Variants in UGT1A9 observed in about 807,000 individuals in gnomAD.
UGT1A9 encodes UDP-glucuronosyltransferase 1A9.
UGT1A9 carries 35 observed loss-of-function variants against 45.0 expected under a neutral mutation model. The ratio of observed to expected loss-of-function variants is 0.78; its 90% CI spans 0.59 to 1.03. The LOEUF is 1.03. Among genes scored for constraint, UGT1A9 ranks in the 50% least tolerant of loss-of-function variants. The pLI is 0.00. For synonymous variants in UGT1A9, 278 were observed against 250.6 expected, an observed-to-expected ratio of 1.11 and a Z score of -1.03; for missense variants, 687 against 666.6, an observed-to-expected ratio of 1.03 and a Z score of -0.34.
At chr2:233,713,248 A>G (rs1380028747) in intron 1 of UGT1A9, 1 of 1,614,142 alleles carries the variant, frequency 6.2e-7, no homozygotes, top group Non-Finnish European at 8.5e-7. Context: ...TCATGGACCC[A>G]GGACGAATTT....
In UGT1A9 at chr2:233,755,690, C is replaced by T. The variant is rs58069490; in HGVS notation, c.856-11344C>T. 7.1e-3 allele frequency: 1,102 copies of T among 155,734 alleles called. 14 individuals carry two copies. Among genetic ancestry groups the T allele is most frequent in the African/African-American group, 0.021 (857 of 41,546 alleles). The allele number at this position is 155,734 out of a possible 1,614,324, so 9.6% of individuals were successfully genotyped here. The stretch of plus-strand genomic sequence containing the variant: ...GTGGTGGGAGTGAGTTTAGTCTGAC[C>T]GGGGCTGAAGACATCCTGTTGTTTA... On this transcript the variant is annotated intron_variant, in intron 1 of 4. Transcript: ENST00000354728.
chr2:233,755,078 GA>G (rs1559400130), intron 1 of UGT1A9: 1 of 1,336,544 alleles, frequency 7.5e-7, no homozygotes, highest in South Asian at 1.1e-5. Flanking sequence ...AGCGGTCATA[GA>G]TATCGCGTTT....
intron 1 of UGT1A9, among the ~76,000 whole-genome samples, chr2:233,715,582 G>A (rs2076459243): frequency 6.6e-6 from 1 of 151,896 alleles, no homozygotes; most frequent in South Asian, 2.1e-4. Context: ...GAGCAGCCTG[G>A]GCAACATGCT....
chr2:233,752,549 C>G (rs1323378417), intron 1 of UGT1A9: 4 of 152,146 alleles, frequency 2.6e-5, no homozygotes, highest in Admixed American at 2.0e-4. Context: ...AATGCTCTTG[C>G]TGGGACAACA....
At chr2:233,691,132 T>A in intron 1 of UGT1A9, 1 of 985,806 alleles carries the variant, frequency 1.0e-6, no homozygotes, top group Non-Finnish European at 1.2e-6. Context: ...CCATTCTTCC[T>A]CTAGATGAAC....
intron 1 of UGT1A9, among the ~76,000 whole-genome samples, chr2:233,675,695 A>C (rs2074331379): frequency 6.6e-6 from 1 of 152,178 alleles, no homozygotes; most frequent in South Asian, 2.1e-4. Flanking sequence ...CCACTTATCC[A>C]TTCTTAGGTT....
intron 1 of UGT1A9, among the ~76,000 whole-genome samples, chr2:233,682,969 C>G (rs943509920): frequency 1.8e-4 from 27 of 152,054 alleles, no homozygotes; most frequent in Admixed American, 1.2e-3. Flanking sequence ...TAAAGCAGCT[C>G]TTGTTGATAT....
chr2:233,740,944 C>A (rs1030329888), intron 1 of UGT1A9: 6 of 151,278 alleles, frequency 4.0e-5, no homozygotes, highest in African/African-American at 1.5e-4. Flanking sequence ...TTTTAATTAG[C>A]TAGGTGTGGT....
Position 233,694,015 on chromosome 2 carries a change from CAT to C in UGT1A9, c.855+21228_855+21229del, listed in dbSNP as rs2075195647. 2.9e-6 allele frequency: 4 copies of C among 1,382,808 alleles called. No homozygotes were observed. The East Asian group carries it at 9.1e-5, about 32-fold the overall frequency. The allele number at this position is 1,382,808 out of a possible 1,614,324, so 85.7% of individuals were successfully genotyped here. ...TACCCGGCTCGGAGCAGCGGGAACA[CAT>C]AGGAGACCTGAGGCTGAAGTGATAC... is the stretch of plus-strand genomic sequence containing the variant. On this transcript the variant is annotated intron_variant, in intron 1 of 4. Coordinates refer to ENST00000354728, the MANE Select transcript of UGT1A9 (RefSeq NM_021027.3).
At chr2:233,741,345 A>C (rs1260340579) in intron 1 of UGT1A9, among the ~76,000 whole-genome samples, 2 of 151,734 alleles carry the variant, frequency 1.3e-5, no homozygotes, top group African/African-American at 2.4e-5. Flanking sequence ...AGTGATTTCC[A>C]ACACACAAAA....
chr2:233,755,210 C>A, intron 1 of UGT1A9: 1 of 1,056,306 alleles, frequency 9.5e-7, no homozygotes, highest in Non-Finnish European at 1.4e-6. Flanking sequence ...GGTACGCCTT[C>A]TTGATACCCT....
intron 1 of UGT1A9, among the ~76,000 whole-genome samples, chr2:233,716,620 A>T (rs1358679333): frequency 6.6e-6 from 1 of 152,166 alleles, no homozygotes; most frequent in East Asian, 1.9e-4. Flanking sequence ...GGTTTATTCT[A>T]GTGAAGTTTT....
intron 1 of UGT1A9, among the ~76,000 whole-genome samples, chr2:233,679,990 CTT>C (rs1164578554): frequency 1.3e-5 from 2 of 152,116 alleles, no homozygotes; most frequent in Non-Finnish European, 2.9e-5. Flanking sequence ...CTTCATGAAT[CTT>C]TTCTTCTCTT....
At chr2:233,754,910 C>T (rs1695636907) in intron 1 of UGT1A9, 2 of 1,353,942 alleles carry the variant, frequency 1.5e-6, no homozygotes, top group African/African-American at 3.0e-5. Flanking sequence ...CCAAAATATT[C>T]TCCAGCGGGT....
At chr2:233,729,013 C>A in intron 1 of UGT1A9, 1 of 1,586,512 alleles carries the variant, frequency 6.3e-7, no homozygotes, top group Non-Finnish European at 8.6e-7. Context: ...CTCTGTCTTC[C>A]AATTACACGT....
chr2:233,766,514 T>C (rs1164692574), intron 1 of UGT1A9, among the ~76,000 whole-genome samples: 2 of 152,060 alleles, frequency 1.3e-5, no homozygotes, highest in South Asian at 2.1e-4. Flanking sequence ...TTTTGGGAAA[T>C]GAAACATTTA....
At chr2:233,691,600 T>G in intron 1 of UGT1A9, 1 of 985,704 alleles carries the variant, frequency 1.0e-6, no homozygotes, top group Non-Finnish European at 1.2e-6. Flanking sequence ...TACACAGGTC[T>G]TGCTCTGGGA....
At chr2:233,736,085 G>T (rs1296774053) in intron 1 of UGT1A9, among the ~76,000 whole-genome samples, 5 of 152,146 alleles carry the variant, frequency 3.3e-5, no homozygotes, top group African/African-American at 9.7e-5. Flanking sequence ...AGTTCTCCTG[G>T]ATAATATCCT....
chr2:233,747,715 C>A, intron 1 of UGT1A9: 2 of 1,613,182 alleles, frequency 1.2e-6, no homozygotes, highest in South Asian at 2.2e-5. Flanking sequence ...CTATCAATTC[C>A]TGCTGTGTTT....
Sources: allele counts gnomAD v4.1 joint callset (sites outside exome capture counted in the v4.1 genomes callset), GRCh38; gene constraint gnomAD v4.1.1; transcripts MANE v1.5; gene names NCBI Gene and HGNC (gene_info 2026-07-23, HGNC 2026-07-21).